Variants in ANK3 observed in about 807,000 individuals in gnomAD.
ANK3 encodes ankyrin-3.
A neutral mutation model predicts 370.9 loss-of-function variants in ANK3; 57 were observed. The ratio of observed to expected loss-of-function variants is 0.15; its 90% CI spans 0.12 to 0.19. The LOEUF (loss-of-function observed/expected upper bound fraction) is 0.19. Ranked by LOEUF, ANK3 falls within the 10% of genes least tolerant of loss-of-function variation. The pLI, the probability that ANK3 is intolerant of heterozygous loss-of-function variation, is 1.00. For synonymous variants in ANK3, 1,929 were observed against 1,946.3 expected (o/e 0.99, Z 0.23); for missense variants, 4,439 against 5,302.1 (o/e 0.84, Z 5.06).
intron 23 of ANK3, 136 bp from the exon 24 acceptor site, chr10:60,139,223 T>C: frequency 9.3e-7 from 1 of 1,069,972 alleles, no homozygotes; most frequent in Non-Finnish European, 1.3e-6. Flanking sequence ...TGGATAATTT[T>C]TGAAACTCTC....
chr10:60,230,018 G>A (rs572752161), intron 8 of ANK3, among the ~76,000 whole-genome samples: 1 of 152,166 alleles, frequency 6.6e-6, no homozygotes, highest in Non-Finnish European at 1.5e-5. Context: ...TGAGAGTATT[G>A]TTATTACCAA....
chr10:60,310,597 G>A (rs771264187), intron 1 of ANK3, among the ~76,000 whole-genome samples: 125 of 152,300 alleles, frequency 8.2e-4, no homozygotes, highest in Non-Finnish European at 1.3e-3. Context: ...GATAGGAAGA[G>A]AACAAATTAA....
At chr10:60,037,564 T>C (rs1040889604) in intron 43 of ANK3, among the ~76,000 whole-genome samples, 8 of 152,202 alleles carry the variant, frequency 5.3e-5, no homozygotes, top group Non-Finnish European at 5.9e-5. Flanking sequence ...GTTCCTATGT[T>C]AGTTTGCTAA....
At chr10:60,376,606 C>T (rs918331096) in intron 1 of ANK3, among the ~76,000 whole-genome samples, 19 of 152,308 alleles carry the variant, frequency 1.2e-4, no homozygotes, top group African/African-American at 4.6e-4. Flanking sequence ...AAAATTCATG[C>T]TACCTTAGCC....
At position 60,063,272 on chromosome 10, in the gene ANK3, A is replaced by G. The variant is rs1239976989; in HGVS notation, c.12452-18T>C. ...GGCATCAGCTGAAAAGGAGAAAAAA[A>G]GGTTGAAAACCCAATTAAATTATGT... On this transcript the variant is annotated intron_variant, in intron 39 of 43. Transcript: ENST00000280772. 1.9e-6 allele frequency: 3 copies of G among 1,598,164 alleles called. No individual in the cohort carries two copies. Among genetic ancestry groups the G allele is most frequent in the African/African-American group, 1.3e-5 (1 of 74,294 alleles).
intron 34 of ANK3, 124 bp from the exon 35 acceptor site, chr10:60,082,300 C>T: frequency 1.1e-6 from 1 of 904,532 alleles, no homozygotes; most frequent in South Asian, 1.7e-5. Flanking sequence ...GAAAGCAAAG[C>T]AAATTTTAAA....
intron 28 of ANK3, among the ~76,000 whole-genome samples, chr10:60,088,559 G>T (rs1464988254): frequency 6.6e-6 from 1 of 152,110 alleles, no homozygotes; most frequent in Non-Finnish European, 1.5e-5. Flanking sequence ...CCAAGTAGCT[G>T]GGATTACGGG....
chr10:60,322,579 C>T (rs968046615), intron 1 of ANK3, among the ~76,000 whole-genome samples: 2 of 151,788 alleles, frequency 1.3e-5, no homozygotes, highest in African/African-American at 4.8e-5. Context: ...TCCCTTTCTT[C>T]CCCAAGGCCT....
chr10:60,050,891 TAAAC>T lies in ANK3; in HGVS notation c.13065+4763_13065+4766del, dbSNP rs553612017. Among the ~76,000 whole-genome samples the T allele has an allele frequency of 7.9e-5, 12 of 152,256 alleles. No homozygotes were observed. In the South Asian group the frequency reaches 2.5e-3, roughly 32 times the overall value. On this transcript the variant is annotated intron_variant, in intron 42 of 43. Coordinates refer to ENST00000280772, the MANE Select transcript of ANK3 (RefSeq NM_020987.5). ...TTTTTTTCTTGTGTGTTAGTAAAGTTAAACAAACACCTATTTCAGATTTTTTTTT... is the reference window on the plus strand; with the variant it reads ...TTTTTTTCTTGTGTGTTAGTAAAGTTAAACACCTATTTCAGATTTTTTTTT...
intron 23 of ANK3, among the ~76,000 whole-genome samples, chr10:60,156,383 C>A (rs955234288): frequency 4.6e-5 from 7 of 152,224 alleles, no homozygotes; most frequent in African/African-American, 1.7e-4. Context: ...ATGGGACAAA[C>A]CCCGTTCTGC....
At chr10:60,718,637 T>C (rs1031149703) in intron 1 of ANK3, among the ~76,000 whole-genome samples, 4 of 152,158 alleles carry the variant, frequency 2.6e-5, no homozygotes, top group South Asian at 2.1e-4. Context: ...TTCTAAACAG[T>C]AGGACAATAT....
At chr10:60,696,704 C>G (rs1392973309) in intron 1 of ANK3, among the ~76,000 whole-genome samples, 2 of 147,768 alleles carry the variant, frequency 1.4e-5, no homozygotes, top group African/African-American at 2.6e-5. Context: ...ATTCAACAGC[C>G]CTTCATGCTA....
intron 4 of ANK3, among the ~76,000 whole-genome samples, chr10:60,271,182 T>C (rs920834465): frequency 3.9e-5 from 6 of 152,068 alleles, no homozygotes; most frequent in Non-Finnish European, 4.4e-5. Context: ...ATAATTCTTT[T>C]ATTATTATTA....
At chr10:60,182,518 T>A (rs2096224974) in intron 17 of ANK3, among the ~76,000 whole-genome samples, 1 of 152,188 alleles carries the variant, frequency 6.6e-6, no homozygotes, top group Non-Finnish European at 1.5e-5. Flanking sequence ...ACTTTCAGAT[T>A]TTTTGCTTTC....
At chr10:60,037,583 G>GTCTC (rs1227871529) in intron 43 of ANK3, among the ~76,000 whole-genome samples, 2 of 152,046 alleles carry the variant, frequency 1.3e-5, no homozygotes, top group African/African-American at 4.8e-5. Flanking sequence ...AAGGATAATG[G>GTCTC]TCTCTATCTA....
intron 17 of ANK3, 108 bp downstream of exon 17, chr10:60,186,607 C>T: frequency 8.4e-7 from 1 of 1,186,012 alleles, no homozygotes; most frequent in Non-Finnish European, 1.2e-6. Context: ...TGCAATATTA[C>T]ACTTTACACA....
At chr10:60,730,097 C>T (rs1299344832) in intron 1 of ANK3, among the ~76,000 whole-genome samples, 1 of 152,068 alleles carries the variant, frequency 6.6e-6, no homozygotes, top group Admixed American at 6.6e-5. Context: ...AGAGTCTAAT[C>T]AGGAAAAAAG....
At chr10:60,127,142 A>G (rs997281121) in intron 25 of ANK3, among the ~76,000 whole-genome samples, 4 of 152,210 alleles carry the variant, frequency 2.6e-5, no homozygotes, top group African/African-American at 9.6e-5. Flanking sequence ...GAACCCCAGT[A>G]GAGTTTCTCT....
chr10:60,328,316 GAC>G (rs2050370219), intron 1 of ANK3, among the ~76,000 whole-genome samples: 1 of 152,180 alleles, frequency 6.6e-6, no homozygotes, highest in Non-Finnish European at 1.5e-5. Context: ...GATGGTCAAA[GAC>G]AGAGTTAAAA....
Sources: allele counts gnomAD v4.1 joint callset (sites outside exome capture counted in the v4.1 genomes callset), GRCh38; gene constraint gnomAD v4.1.1; transcripts MANE v1.5; gene names NCBI Gene and HGNC (gene_info 2026-07-23, HGNC 2026-07-21).